The following AUTS2 variants were observed in gnomAD, a reference collection of about 807,000 sequenced individuals.
AUTS2 encodes the protein autism susceptibility gene 2 protein.
A neutral mutation model predicts 112.4 loss-of-function variants in AUTS2; 17 were observed. The ratio of observed to expected loss-of-function variants is 0.15; its 90% CI spans 0.10 to 0.23. The LOEUF is 0.23. Ranked by LOEUF, AUTS2 falls within the 10% of genes least tolerant of loss-of-function variation. The probability of loss-of-function intolerance (pLI) is 1.00; values close to 1 mark genes in which losing one functional copy is unlikely to be tolerated. For missense variants in AUTS2, 1,510 were observed against 1,701.6 expected, an observed-to-expected ratio of 0.89 and a Z score of 1.98; for synonymous variants, 751 against 702.7, an observed-to-expected ratio of 1.07 and a Z score of -1.09.
chr7:69,876,527 TATATATATATA>T (rs1793806423), intron 1 of AUTS2, among the ~76,000 whole-genome samples: 1 of 46,534 alleles, frequency 2.1e-5, no homozygotes, highest in African/African-American at 1.1e-4. Context: ...TATATATATA[TATATATATATA>T]TATATATTTT....
intron 4 of AUTS2, among the ~76,000 whole-genome samples, chr7:70,336,295 C>G (rs1434102106): frequency 7.3e-6 from 1 of 136,192 alleles, no homozygotes; most frequent in Non-Finnish European, 1.6e-5. Context: ...CCCTCCACCC[C>G]ACCCATGTTT....
intron 5 of AUTS2, among the ~76,000 whole-genome samples, chr7:70,649,723 C>G (rs10272451): frequency 0.5 from 75,784 of 151,688 alleles, 19,556 homozygotes; most frequent in African/African-American, 0.62. Context: ...AGAGATGGGC[C>G]TTCACCATGT....
intron 5 of AUTS2, among the ~76,000 whole-genome samples, chr7:70,591,321 A>G (rs6460549): frequency 0.23 from 34,844 of 151,990 alleles, 4,261 homozygotes; most frequent in Middle Eastern, 0.34. Flanking sequence ...GGAAAGTTCC[A>G]AGACCCACAC....
chr7:70,372,677 T>C (rs1792892986), intron 4 of AUTS2, among the ~76,000 whole-genome samples: 1 of 149,710 alleles, frequency 6.7e-6, no homozygotes, highest in Admixed American at 6.6e-5. Flanking sequence ...TTTTTTAAAA[T>C]ACAAGTATTT....
intron 4 of AUTS2, among the ~76,000 whole-genome samples, chr7:70,302,074 T>G (rs1320923780): frequency 6.6e-6 from 1 of 152,168 alleles, no homozygotes; most frequent in African/African-American, 2.4e-5. Context: ...CTTCATTATT[T>G]GTACAGTGCC....
At chr7:70,610,158 C>G (rs1322751290) in intron 5 of AUTS2, among the ~76,000 whole-genome samples, 1 of 152,004 alleles carries the variant, frequency 6.6e-6, no homozygotes, top group Non-Finnish European at 1.5e-5. Flanking sequence ...GCCACTGTGC[C>G]CAGGTAATTT....
chr7:69,823,954 T>C (rs1217187910), intron 1 of AUTS2, among the ~76,000 whole-genome samples: 3 of 152,174 alleles, frequency 2.0e-5, no homozygotes, highest in Admixed American at 6.5e-5. Flanking sequence ...AGAGGTATGA[T>C]TTTGACCAAG....
chr7:69,617,363 G>A (rs1188516106), intron 1 of AUTS2, among the ~76,000 whole-genome samples: 1 of 152,144 alleles, frequency 6.6e-6, no homozygotes, highest in Non-Finnish European at 1.5e-5. Context: ...CTGAGGAGGT[G>A]ATATTTGAGC....
intron 1 of AUTS2, among the ~76,000 whole-genome samples, chr7:69,834,719 T>C (rs1791648158): frequency 1.3e-5 from 2 of 152,180 alleles, no homozygotes; most frequent in Non-Finnish European, 2.9e-5. Context: ...TTTAGAATGC[T>C]CTGTGATAAT....
chr7:70,620,668 A>G lies in AUTS2; in HGVS notation c.691-77901A>G, dbSNP rs530887166. The stretch of plus-strand genomic sequence containing the variant: ...TTCATTAGGATTTCTCACCCTTTTC[A>G]TTTATTTCATTTAGGCCCGAGGCAG... On this transcript the variant is annotated intron_variant, in intron 5 of 18. Transcript: ENST00000342771. Among the ~76,000 whole-genome samples the G allele has an allele frequency of 3.2e-4, 49 of 152,084 alleles. No individual in the cohort carries two copies. The South Asian group carries it at 1.0e-2, about 31-fold the overall frequency.
intron 1 of AUTS2, among the ~76,000 whole-genome samples, chr7:69,716,300 A>G (rs1443358709): frequency 1.3e-5 from 2 of 151,580 alleles, no homozygotes; most frequent in African/African-American, 4.9e-5. Context: ...CTCTGTCACA[A>G]TCACATTTTT....
At chr7:70,726,839 G>T (rs747359441) in intron 6 of AUTS2, among the ~76,000 whole-genome samples, 1 of 152,190 alleles carries the variant, frequency 6.6e-6, no homozygotes, top group Non-Finnish European at 1.5e-5. Context: ...TGAGAGGCAG[G>T]TGTAAAGGAT....
At chr7:70,258,785 C>A (rs1281272004) in intron 4 of AUTS2, among the ~76,000 whole-genome samples, 1 of 152,078 alleles carries the variant, frequency 6.6e-6, no homozygotes, top group Non-Finnish European at 1.5e-5. Flanking sequence ...TGACTAGAAA[C>A]CCTTGTGGAA....
chr7:70,324,887 G>A (rs576566936), intron 4 of AUTS2, among the ~76,000 whole-genome samples: 7 of 152,204 alleles, frequency 4.6e-5, no homozygotes, highest in African/African-American at 7.2e-5. Context: ...ACTTACAGTC[G>A]TTCTCTGTCT....
At chr7:70,211,072 G>A (rs911920637) in intron 4 of AUTS2, among the ~76,000 whole-genome samples, 3 of 152,076 alleles carry the variant, frequency 2.0e-5, no homozygotes, top group Admixed American at 6.6e-5. Flanking sequence ...TGGGAGCCTC[G>A]GAGAGTATCG....
chr7:70,473,620 A>G (rs1346887768), intron 5 of AUTS2, among the ~76,000 whole-genome samples: 1 of 152,100 alleles, frequency 6.6e-6, no homozygotes, highest in Non-Finnish European at 1.5e-5. Context: ...TTCCGTAAGC[A>G]CAGGGCCACA....
At chr7:69,932,207 T>G (rs1796252018) in intron 2 of AUTS2, among the ~76,000 whole-genome samples, 1 of 152,232 alleles carries the variant, frequency 6.6e-6, no homozygotes, top group African/African-American at 2.4e-5. Context: ...TGCATGGTTC[T>G]GGCTCCCTCT....
chr7:70,258,320 A>G (rs77977573), intron 4 of AUTS2, among the ~76,000 whole-genome samples: 73 of 152,352 alleles, frequency 4.8e-4, no homozygotes, highest in African/African-American at 1.7e-3. Flanking sequence ...TGGAGAAGGA[A>G]TACTAAGTAG....
intron 3 of AUTS2, among the ~76,000 whole-genome samples, chr7:70,122,865 C>CTTTTTTTTT (rs11297258): frequency 1.1e-5 from 1 of 93,082 alleles, no homozygotes; most frequent in Non-Finnish European, 2.1e-5. Flanking sequence ...GAGATGAAAG[C>CTTTTTTTTT]TTTTTTTTTT....
Sources: gnomAD v4.1 joint callset for allele counts (sites outside exome capture counted in the v4.1 genomes callset) on GRCh38, gnomAD v4.1.1 for gene constraint, MANE v1.5 for transcripts, NCBI Gene and HGNC (gene_info 2026-07-23, HGNC 2026-07-21) for gene names.